The following AKR1B15 variants were observed in gnomAD, a reference collection of about 807,000 sequenced individuals.
AKR1B15 encodes the protein aldo-keto reductase family 1 member B15, also known as estradiol 17-beta-dehydrogenase AKR1B15.
Under a neutral mutation model 38.5 loss-of-function variants are expected in AKR1B15, and 49 were observed. The ratio of observed to expected loss-of-function variants is 1.27; its 90% CI spans 1.01 to 1.62. AKR1B15 has a LOEUF of 1.62. Among genes scored for constraint, AKR1B15 ranks in the 40% most tolerant of loss-of-function variants. The pLI is 0.00. For missense variants in AKR1B15, 411 were observed against 381.6 expected (o/e 1.08, Z -0.64); for synonymous variants, 137 against 135.5 (o/e 1.01, Z -0.08).
At chr7:134,566,340 C>T (rs1057396520) in intron 3 of AKR1B15, among the ~76,000 whole-genome samples, 1 of 152,170 alleles carries the variant, frequency 6.6e-6, no homozygotes, top group African/African-American at 2.4e-5. Context: ...AGGCTTCACC[C>T]AGGCTACCTA....
Position 134,579,762 on chromosome 7 carries a change from A to G in AKR1B15, c.*213A>G, listed in dbSNP as rs1277088381. ...CAGAAAAGCATGGCCTGAATAAGCAAATGACAATTTTTTCCACTTATCTGA... is the reference window on the plus strand; with the variant it reads ...CAGAAAAGCATGGCCTGAATAAGCAGATGACAATTTTTTCCACTTATCTGA... On this transcript the variant is annotated 3_prime_UTR_variant, in exon 12 of 12. Transcript: ENST00000457545. 8.0e-6 allele frequency: 4 copies of G among 499,772 alleles called. No homozygotes were observed. The highest frequency in any genetic ancestry group is 1.4e-5 in the Non-Finnish European group (4 of 288,156). The allele number at this position is 499,772 out of a possible 1,614,324, so 31.0% of individuals were successfully genotyped here. A position where few individuals can be genotyped will look rare whatever the true frequency, so the allele number is the denominator to read the frequency against.
intron 2 of AKR1B15, among the ~76,000 whole-genome samples, chr7:134,557,689 A>C (rs1585788714): frequency 6.6e-6 from 1 of 151,908 alleles, no homozygotes. Flanking sequence ...TTATCTTTCA[A>C]CTTTTTTGCC....
rs142144515 is a variant in AKR1B15 at position 134,550,967 on chromosome 7, A to G, written c.-147+1718A>G. On this transcript the variant is annotated intron_variant, in intron 1 of 11. Transcript: ENST00000457545. ...CCCGATCAGTTTCCCTACATTGATC[A>G]ATGGCTAGATTTAGTCCAGAGCTCT... 2.1e-3 allele frequency among the ~76,000 whole-genome samples: 326 copies of G among 152,302 alleles called. 1 individual carries two copies. In the Middle Eastern group the frequency reaches 0.024, roughly 11 times the overall value.
intron 2 of AKR1B15, among the ~76,000 whole-genome samples, chr7:134,557,443 G>T (rs1198888201): frequency 6.6e-6 from 1 of 151,932 alleles, no homozygotes; most frequent in African/African-American, 2.4e-5. Flanking sequence ...ACTCCATTTT[G>T]GTTTCTTCAC....
At chr7:134,571,577 A>G (rs376289814) in intron 5 of AKR1B15, 27 bp from the exon 6 acceptor site, 14 of 1,576,102 alleles carry the variant, frequency 8.9e-6, no homozygotes, top group Non-Finnish European at 1.2e-5. Flanking sequence ...TGCAGATTCC[A>G]GTAAACTTTT....
intron 9 of AKR1B15, 102 bp downstream of exon 9, chr7:134,576,532 A>G: frequency 7.3e-7 from 1 of 1,374,078 alleles, no homozygotes; most frequent in Non-Finnish European, 1.0e-6. Flanking sequence ...GGGGAAGAAC[A>G]CAGGAGCTGA....
rs568686828 is a variant in AKR1B15, at chr7:134,552,103, C to T, written c.-147+2854C>T. On this transcript the variant is annotated intron_variant, in intron 1 of 11. Transcript: ENST00000457545. ...TCAGGAATATCCTGTCACCCACTCACGAGAGGTGAGTTTAGGACAGAAAAG... is the reference window on the plus strand; with the variant it reads ...TCAGGAATATCCTGTCACCCACTCATGAGAGGTGAGTTTAGGACAGAAAAG... Among the ~76,000 whole-genome samples the T allele has an allele frequency of 2.4e-4, 36 of 152,302 alleles. No homozygotes were observed. The South Asian group carries it at 3.1e-3, about 13-fold the overall frequency.
intron 4 of AKR1B15, among the ~76,000 whole-genome samples, chr7:134,569,002 A>G (rs1346944507): frequency 2.0e-5 from 3 of 152,182 alleles, no homozygotes; most frequent in Non-Finnish European, 4.4e-5. Context: ...TAGGCTTGAT[A>G]AGGGACCTAT....
At chr7:134,566,865 A>T (rs1316438945) in intron 3 of AKR1B15, among the ~76,000 whole-genome samples, 2 of 152,196 alleles carry the variant, frequency 1.3e-5, no homozygotes, top group Non-Finnish European at 2.9e-5. Flanking sequence ...CTTGAATAGC[A>T]AGATTTGCCC....
intron 2 of AKR1B15, among the ~76,000 whole-genome samples, chr7:134,560,381 G>A (rs1200802248): frequency 3.3e-5 from 5 of 152,140 alleles, no homozygotes; most frequent in Non-Finnish European, 7.3e-5. Context: ...GGCCCACAGA[G>A]GTGAGGAAAC....
At chr7:134,558,383 C>T (rs534324667) in intron 2 of AKR1B15, among the ~76,000 whole-genome samples, 2 of 152,176 alleles carry the variant, frequency 1.3e-5, no homozygotes, top group Non-Finnish European at 2.9e-5. Context: ...TTCTCACGTG[C>T]AACCTCCAGT....
rs1419342444 is a variant in AKR1B15, at chr7:134,577,787, G to GT, written c.992+2dup. 6.2e-7 allele frequency: 1 copy of GT among 1,613,702 alleles called. No homozygotes were observed. Among genetic ancestry groups the GT allele is most frequent in the African/African-American group, 1.3e-5 (1 of 74,942 alleles). On this transcript the variant is annotated splice_donor_variant, in intron 11 of 11. Coordinates refer to ENST00000457545, the MANE Select transcript of AKR1B15 (RefSeq NM_001080538.3). LOFTEE classifies it high-confidence loss of function. ...ACTGGAGGGCCTTTGACTTCAAGGAGTAAGTGGCATGGAGTTAACTAGAAG... is the reference window on the plus strand; with the variant it reads ...ACTGGAGGGCCTTTGACTTCAAGGAGTTAAGTGGCATGGAGTTAACTAGAAG...
At chr7:134,563,197 G>T (rs1399765414) in intron 2 of AKR1B15, among the ~76,000 whole-genome samples, 1 of 152,256 alleles carries the variant, frequency 6.6e-6, no homozygotes, top group African/African-American at 2.4e-5. Flanking sequence ...AGCCTGGAAT[G>T]GATTTTCTGT....
intron 2 of AKR1B15, among the ~76,000 whole-genome samples, chr7:134,557,165 GCTAA>G (rs1236599031): frequency 2.6e-5 from 4 of 152,118 alleles, no homozygotes; most frequent in Non-Finnish European, 5.9e-5. Flanking sequence ...GGAATCCCTG[GCTAA>G]CTACTCTAAT....
chr7:134,571,688 T>C lies in AKR1B15; in HGVS notation c.513+7T>C. ...GTTCTTGGATGCCTGGGAGGTAGGTTCCAGCTTTGTCTAAGTGTGCTGGGA... is the reference window on the plus strand; with the variant it reads ...GTTCTTGGATGCCTGGGAGGTAGGTCCCAGCTTTGTCTAAGTGTGCTGGGA... On this transcript the variant is annotated splice_region_variant and intron_variant, in intron 6 of 11. Coordinates refer to ENST00000457545, the MANE Select transcript of AKR1B15 (RefSeq NM_001080538.3). 1 of 1,610,250 alleles carries C rather than the reference T, an allele frequency of 6.2e-7. No homozygotes were observed. The highest frequency in any genetic ancestry group is 8.5e-7 in the Non-Finnish European group (1 of 1,176,940).
chr7:134,565,812 G>C (rs1183112933), intron 3 of AKR1B15, among the ~76,000 whole-genome samples: 3 of 152,066 alleles, frequency 2.0e-5, no homozygotes, highest in Non-Finnish European at 4.4e-5. Flanking sequence ...TGTTTTCCAG[G>C]GCAGTTTCTC....
At chr7:134,576,246 T>C in intron 8 of AKR1B15, 103 bp from the exon 9 acceptor site, 6 of 1,260,590 alleles carry the variant, frequency 4.8e-6, no homozygotes, top group Non-Finnish European at 6.7e-6. Flanking sequence ...GTCTCCCAGA[T>C]GGAGAGGCTC....
rs183185783 is a variant in AKR1B15 at position 134,569,509 on chromosome 7, C to T, written c.415C>T (p.His139Tyr). 152 of 1,614,080 alleles carry T rather than the reference C, an allele frequency of 9.4e-5. No individual in the cohort carries two copies. The highest frequency in any genetic ancestry group is 1.2e-4 in the Non-Finnish European group (145 of 1,179,954). Reference sequence around the variant, plus strand: ...GAGCTATCTGGACGTCTATCTTATTCACTGGCCACAGGGATTCAAGGTTTG... The same window carrying T: ...GAGCTATCTGGACGTCTATCTTATTTACTGGCCACAGGGATTCAAGGTTTG... ...KLSYLDVYLI[H>Y]WPQGFKTGDD... Residue 139 changes from histidine (H) to tyrosine (Y), a missense_variant, in exon 5 of 12, where the codon CAC becomes TAC. This residue lies in a region of AKR1B15 where 254 missense variants were observed against 212.4 expected (regional missense o/e 1.20). Transcript: ENST00000457545.
intron 3 of AKR1B15, chr7:134,564,993 GCA>G: frequency 2.7e-6 from 1 of 366,370 alleles, no homozygotes; most frequent in Non-Finnish European, 4.9e-6. Context: ...GCAGCAATCA[GCA>G]CTCTGTAACT....
Sources: allele counts gnomAD v4.1 joint callset (sites outside exome capture counted in the v4.1 genomes callset), GRCh38; gene constraint gnomAD v4.1.1; regional missense constraint gnomAD v4.1.1; transcripts MANE v1.5; gene names NCBI Gene and HGNC (gene_info 2026-07-23, HGNC 2026-07-21).